Variants in RBPMS observed in about 807,000 individuals in gnomAD.
RBPMS encodes the protein RNA binding protein, mRNA processing factor, also known as RNA-binding protein with multiple splicing.
A neutral mutation model predicts 26.8 loss-of-function variants in RBPMS; 7 were observed. The observed-to-expected ratio is 0.26, with a 90% CI of 0.15 to 0.49. The LOEUF is 0.49. Ranked by LOEUF, RBPMS falls within the 20% of genes least tolerant of loss-of-function variation. The pLI, the probability that RBPMS is intolerant of heterozygous loss-of-function variation, is 0.98. For synonymous variants in RBPMS, 96 were observed against 93.3 expected (o/e 1.03, Z -0.17); for missense variants, 186 against 250.0 (o/e 0.74, Z 1.73).
intron 5 of RBPMS, among the ~76,000 whole-genome samples, chr8:30,518,846 A>G (rs1563402684): frequency 1.3e-5 from 2 of 151,486 alleles, no homozygotes; most frequent in South Asian, 2.1e-4. Context: ...CACTTGATAG[A>G]TGGAGCAGAG....
chr8:30,462,890 G>A (rs75621428), intron 1 of RBPMS, among the ~76,000 whole-genome samples: 1,722 of 152,184 alleles, frequency 0.011, 35 homozygotes, highest in African/African-American at 0.038. Context: ...AAATTTGCCC[G>A]CGGCCTTTTA....
At chr8:30,550,629 A>T (rs1173752504) in intron 6 of RBPMS, among the ~76,000 whole-genome samples, 2 of 152,176 alleles carry the variant, frequency 1.3e-5, no homozygotes, top group African/African-American at 4.8e-5. Context: ...TGAATGAATG[A>T]CGGGAGTAAG....
At chr8:30,462,344 AAATACCAT>A (rs1451994097) in intron 1 of RBPMS, among the ~76,000 whole-genome samples, 1 of 152,354 alleles carries the variant, frequency 6.6e-6, no homozygotes, top group Admixed American at 6.5e-5. Context: ...AAAGTAGCTA[AAATACCAT>A]ATACTACAAT....
chr8:30,508,819 A>G (rs1386691630), intron 5 of RBPMS, among the ~76,000 whole-genome samples: 2 of 152,192 alleles, frequency 1.3e-5, no homozygotes, highest in African/African-American at 2.4e-5. Flanking sequence ...GTCATAATAC[A>G]TATGAAATTA....
chr8:30,530,016 A>G (rs1824044500), intron 5 of RBPMS, among the ~76,000 whole-genome samples: 1 of 152,084 alleles, frequency 6.6e-6, no homozygotes, highest in African/African-American at 2.4e-5. Flanking sequence ...CGGCCTCCCA[A>G]AGTGCTGGGA....
At chr8:30,509,117 A>C (rs1186327039) in intron 5 of RBPMS, among the ~76,000 whole-genome samples, 2 of 152,140 alleles carry the variant, frequency 1.3e-5, no homozygotes, top group Admixed American at 1.3e-4. Flanking sequence ...CCTCCCCTCT[A>C]GGCTTTTAAA....
intron 1 of RBPMS, among the ~76,000 whole-genome samples, chr8:30,447,142 T>C (rs946736754): frequency 2.0e-5 from 3 of 152,192 alleles, no homozygotes; most frequent in Non-Finnish European, 4.4e-5. Context: ...CTAATATGGT[T>C]TGAGTATCCA....
rs115813314 is a variant in RBPMS at position 30,489,156 on chromosome 8, C to T, written c.246+9779C>T. ...CGACATCCTGGCCTTGAGTGCTCCTCCCACCTCAGCCTCCCGAATAGCTGG... is the reference window on the plus strand; with the variant it reads ...CGACATCCTGGCCTTGAGTGCTCCTTCCACCTCAGCCTCCCGAATAGCTGG... On this transcript the variant is annotated intron_variant, in intron 4 of 8. Coordinates refer to ENST00000397323, the MANE Select transcript of RBPMS (RefSeq NM_001008710.3). Among the ~76,000 whole-genome samples the T allele has an allele frequency of 2.9e-3, 440 of 152,062 alleles. 1 individual carries two copies. Among genetic ancestry groups the T allele is most frequent in the African/African-American group, 0.01 (415 of 41,498 alleles).
intron 5 of RBPMS, among the ~76,000 whole-genome samples, chr8:30,530,027 T>C (rs1342217582): frequency 6.6e-6 from 1 of 152,184 alleles, no homozygotes; most frequent in African/African-American, 2.4e-5. Context: ...AGTGCTGGGA[T>C]TACAGGCGTG....
intron 1 of RBPMS, chr8:30,453,939 C>G (rs1240549934): frequency 1.3e-5 from 2 of 152,174 alleles, no homozygotes; most frequent in African/African-American, 4.8e-5. Context: ...TACTCCTAAG[C>G]CTCATCCCCA....
chr8:30,465,612 C>T (rs1474318002), intron 1 of RBPMS, among the ~76,000 whole-genome samples: 1 of 152,138 alleles, frequency 6.6e-6, no homozygotes, highest in East Asian at 1.9e-4. Context: ...CATGGCGAAA[C>T]CCTGTCTCTG....
intron 5 of RBPMS, among the ~76,000 whole-genome samples, chr8:30,514,703 T>TTTTTTTTTTC (rs58473169): frequency 7.4e-6 from 1 of 135,256 alleles, no homozygotes; most frequent in African/African-American, 2.8e-5. Flanking sequence ...TTTTTTTTTT[T>TTTTTTTTTTC]AATGTAGAGG....
At chr8:30,563,492 C>T (rs1272319973) in intron 7 of RBPMS, among the ~76,000 whole-genome samples, 1 of 152,100 alleles carries the variant, frequency 6.6e-6, no homozygotes, top group Admixed American at 6.5e-5. Context: ...CGTTTGGGAG[C>T]CAAGTGGGGT....
chr8:30,393,783 T>C (rs1808069625), intron 1 of RBPMS, among the ~76,000 whole-genome samples: 1 of 152,022 alleles, frequency 6.6e-6, no homozygotes, highest in Admixed American at 6.6e-5. Flanking sequence ...CCTGCCAAAG[T>C]GCTGGGATTA....
Position 30,385,059 on chromosome 8 carries a change from G to C in RBPMS, c.-34G>C. 1 of 1,490,334 alleles carries C rather than the reference G, an allele frequency of 6.7e-7. No individual in the cohort carries two copies. Among genetic ancestry groups the C allele is most frequent in the Non-Finnish European group, 9.0e-7 (1 of 1,117,078 alleles). 92.3% of individuals were successfully genotyped at this position (1,490,334 alleles called of 1,614,324 possible). A position where few individuals can be genotyped will look rare whatever the true frequency, so the allele number is the denominator to read the frequency against. On this transcript the variant is annotated 5_prime_UTR_variant, in exon 1 of 9. Coordinates refer to ENST00000397323, the MANE Select transcript of RBPMS (RefSeq NM_001008710.3). ...CGCCCTCGCCCAGCCCCGCGCCCCAGCCCTGCCCGGCCCGGCGAGGAAGGA... is the reference window on the plus strand; with the variant it reads ...CGCCCTCGCCCAGCCCCGCGCCCCACCCCTGCCCGGCCCGGCGAGGAAGGA...
At chr8:30,495,758 C>A (rs1485103701) in intron 4 of RBPMS, among the ~76,000 whole-genome samples, 6 of 152,222 alleles carry the variant, frequency 3.9e-5, no homozygotes, top group African/African-American at 1.2e-4. Context: ...CGGTTTACAT[C>A]TGACGGATTC....
intron 1 of RBPMS, among the ~76,000 whole-genome samples, chr8:30,463,404 C>T (rs1816161406): frequency 1.3e-5 from 2 of 152,178 alleles, no homozygotes; most frequent in Non-Finnish European, 2.9e-5. Context: ...TCTAAGATGG[C>T]TCACTCACAT....
At chr8:30,498,202 G>A (rs1421429112) in intron 4 of RBPMS, among the ~76,000 whole-genome samples, 1 of 151,894 alleles carries the variant, frequency 6.6e-6, no homozygotes, top group Non-Finnish European at 1.5e-5. Flanking sequence ...CTGATAGGAA[G>A]CTCTTAAAGA....
At chr8:30,555,021 A>G (rs1250085059) in intron 6 of RBPMS, among the ~76,000 whole-genome samples, 1 of 152,034 alleles carries the variant, frequency 6.6e-6, no homozygotes, top group Non-Finnish European at 1.5e-5. Flanking sequence ...CCTTGGCATC[A>G]GTATTAGGAA....
Sources: gnomAD v4.1 joint callset for allele counts (sites outside exome capture counted in the v4.1 genomes callset) on GRCh38, gnomAD v4.1.1 for gene constraint, MANE v1.5 for transcripts, NCBI Gene and HGNC (gene_info 2026-07-23, HGNC 2026-07-21) for gene names.